ZNF207: variants seen among roughly 807,000 people sequenced by gnomAD.
ZNF207 encodes zinc finger protein 207, also known as BUB3-interacting and GLEBS motif-containing protein ZNF207.
ZNF207 carries 24 observed loss-of-function variants against 60.2 expected under a neutral mutation model. That is an observed-to-expected ratio of 0.40 (90% CI 0.29 to 0.56). The LOEUF (loss-of-function observed/expected upper bound fraction) is 0.56, where lower values mean the gene tolerates loss of function less well. Ranked by LOEUF, ZNF207 falls within the 20% of genes least tolerant of loss-of-function variation. ZNF207 has a pLI of 0.49. For missense variants in ZNF207, 452 were observed against 636.6 expected (o/e 0.71, Z 3.12); for synonymous variants, 236 against 194.7 (o/e 1.21, Z -1.77).
intron 1 of ZNF207, among the ~76,000 whole-genome samples, 200 bp downstream of exon 1, chr17:32,350,526 G>A (rs531609344): frequency 2.2e-4 from 34 of 152,222 alleles, no homozygotes; most frequent in Non-Finnish European, 4.9e-4. Flanking sequence ...GCAGTTGTGG[G>A]TCGTGTGACT....
intron 2 of ZNF207, among the ~76,000 whole-genome samples, chr17:32,354,590 A>T (rs1462641861): frequency 6.7e-6 from 1 of 149,896 alleles, no homozygotes; most frequent in Non-Finnish European, 1.5e-5. Context: ...GATTACAGGC[A>T]TAAGTCACTG....
intron 3 of ZNF207, among the ~76,000 whole-genome samples, 157 bp from the exon 4 acceptor site, chr17:32,360,441 A>G (rs1373927783): frequency 6.6e-6 from 1 of 152,192 alleles, no homozygotes; most frequent in East Asian, 1.9e-4. Flanking sequence ...ATAGGGCGAA[A>G]ACACATTTGA....
rs750080936 is a variant in ZNF207 at position 32,364,941 on chromosome 17, ATTG to A, written c.671-386_671-384del. Among the ~76,000 whole-genome samples, 56 of 152,346 alleles carry A rather than the reference ATTG, an allele frequency of 3.7e-4. 1 individual carries two copies. Among genetic ancestry groups the A allele is most frequent in the Middle Eastern group, 6.8e-3 (2 of 294 alleles). ...TGTGTTTAACTTTGGAAAAGTTTTT[ATTG>A]TTCATGATATTTGATTCATCAGTTT... is the stretch of plus-strand genomic sequence containing the variant. On this transcript the variant is annotated intron_variant, in intron 7 of 11. Coordinates refer to ENST00000394670, the MANE Select transcript of ZNF207 (RefSeq NM_001098507.2).
At chr17:32,350,354 T>C (rs1336987289) in intron 1 of ZNF207, 28 bp downstream of exon 1, 1 of 1,613,804 alleles carries the variant, frequency 6.2e-7, no homozygotes, top group South Asian at 1.1e-5. Flanking sequence ...GAAGTCGAGG[T>C]CGCGTTGGGG....
intron 5 of ZNF207, 66 bp from the exon 6 acceptor site, chr17:32,361,397 TATACA>T: frequency 7.6e-7 from 1 of 1,313,998 alleles, no homozygotes; most frequent in Non-Finnish European, 1.1e-6. Flanking sequence ...ATGTGAGAGG[TATACA>T]ATACACTTTC....
intron 2 of ZNF207, among the ~76,000 whole-genome samples, chr17:32,357,327 A>G (rs1283263141): frequency 1.2e-5 from 1 of 85,548 alleles, no homozygotes; most frequent in South Asian, 3.4e-4. Context: ...TATTATTATT[A>G]TTATTATTAT....
intron 2 of ZNF207, among the ~76,000 whole-genome samples, chr17:32,353,186 A>G (rs189033249): frequency 3.3e-5 from 5 of 152,244 alleles, no homozygotes; most frequent in Non-Finnish European, 7.4e-5. Context: ...TAATAATAAT[A>G]ATGACAATAA....
rs1905544048 is a variant in ZNF207 at position 32,373,207 on chromosome 17, T to C, written c.*3448T>C. On this transcript the variant is annotated 3_prime_UTR_variant, in exon 12 of 12. Coordinates refer to ENST00000394670, the MANE Select transcript of ZNF207 (RefSeq NM_001098507.2). ...ACTCACCTTAATTAAACTTAATTAA[T>C]TGGGGAGGGGGATTCCCCAACAAAA... 2.3e-6 allele frequency: 1 copy of C among 441,944 alleles called. No homozygotes were observed. Among genetic ancestry groups the C allele is most frequent in the South Asian group, 5.8e-5 (1 of 17,370 alleles). The allele number at this position is 441,944 out of a possible 1,614,324, so 27.4% of individuals were successfully genotyped here.
intron 2 of ZNF207, among the ~76,000 whole-genome samples, chr17:32,357,351 A>ATTATTTTT (rs1363194053): frequency 4.3e-4 from 32 of 73,994 alleles, no homozygotes; most frequent in African/African-American, 1.7e-3. Context: ...TATTATTATT[A>ATTATTTTT]TTTTTTTTTT....
rs1905813846 is a variant in ZNF207 at position 32,379,817 on chromosome 17, T to A, written c.*10058T>A. The stretch of plus-strand genomic sequence containing the variant: ...ACCACGTATACCAGTGAAAATTAGC[T>A]TCTGAGTAAATTTCTAATTTATGCC... On this transcript the variant is annotated 3_prime_UTR_variant, in exon 12 of 12. Transcript: ENST00000394670. The A allele has an allele frequency of 1.3e-5, 2 of 152,206 alleles. No homozygotes were observed. The highest frequency in any genetic ancestry group is 2.9e-5 in the Non-Finnish European group (2 of 68,030). The allele number at this position is 152,206 out of a possible 1,614,324, so 9.4% of individuals were successfully genotyped here.
In ZNF207 at chr17:32,381,672, T is replaced by C. The variant is rs1787576501; in HGVS notation, c.*11913T>C. 6.6e-6 allele frequency: 1 copy of C among 152,242 alleles called. No homozygotes were observed. Among genetic ancestry groups the C allele is most frequent in the South Asian group, 2.1e-4 (1 of 4,836 alleles). The allele number at this position is 152,242 out of a possible 1,614,324, so 9.4% of individuals were successfully genotyped here. On this transcript the variant is annotated 3_prime_UTR_variant, in exon 12 of 12. Transcript: ENST00000394670. Reference sequence around the variant, plus strand: ...TCTGGGGCTATTTACTTATTTTAAGTAAGCCAAGTCTACCATTTGAAAAAT... The same window carrying C: ...TCTGGGGCTATTTACTTATTTTAAGCAAGCCAAGTCTACCATTTGAAAAAT...
chr17:32,357,348 ATTATTT>A (rs1316894370), intron 2 of ZNF207, among the ~76,000 whole-genome samples: 48 of 77,656 alleles, frequency 6.2e-4, no homozygotes, highest in South Asian at 1.3e-3. Context: ...TATTATTATT[ATTATTT>A]TTTTTTTTTT....
rs1567824844 is a variant in ZNF207 at position 32,367,257 on chromosome 17, AT to A, written c.921+501del. On this transcript the variant is annotated intron_variant, in intron 9 of 11. Coordinates refer to ENST00000394670, the MANE Select transcript of ZNF207 (RefSeq NM_001098507.2). ...GAGGGGATTATATATATATATATAT[AT>A]ATATATATATATATATATATATATA... Among the ~76,000 whole-genome samples the A allele has an allele frequency of 2.0e-4, 19 of 95,864 alleles. 2 individuals are homozygous for A. The East Asian group carries it at 3.6e-3, about 18-fold the overall frequency. The allele number at this position is 95,864 out of a possible 152,430, so 62.9% of individuals were successfully genotyped here. A position where few individuals can be genotyped will look rare whatever the true frequency, so the allele number is the denominator to read the frequency against.
chr17:32,360,761 TC>T lies in ZNF207; in HGVS notation c.473del (p.Pro158GlnfsTer6). The T allele has an allele frequency of 6.2e-7, 1 of 1,613,956 alleles. No individual in the cohort carries two copies. The highest frequency in any genetic ancestry group is 8.5e-7 in the Non-Finnish European group (1 of 1,179,928). On this transcript the variant is annotated frameshift_variant, in exon 4 of 12. Coordinates refer to ENST00000394670, the MANE Select transcript of ZNF207 (RefSeq NM_001098507.2). LOFTEE classifies it high-confidence loss of function. ...PPVPGAPGMPPGIPPLMPGVP... is the reference protein window; with the variant it reads ...PPVPGAPGMPXGIPPLMPGVP... ...CAGTACCAGGAGCACCAGGAATGCC[TC>T]CAGGTAGCACATAGGATTGCTTAAA...
At chr17:32,350,484 GGAAAATGGGGTTCCGAGGTC>G in intron 1 of ZNF207, 158 bp downstream of exon 1, 1 of 884,508 alleles carries the variant, frequency 1.1e-6, no homozygotes, top group Non-Finnish European at 1.8e-6. Context: ...AAGGCTTCTA[GGAAAATGGGGTTCCGAGGTC>G]GACAGGCTTT....
chr17:32,361,007 A>ACAG, intron 5 of ZNF207, 40 bp downstream of exon 5: 1 of 1,591,142 alleles, frequency 6.3e-7, no homozygotes, highest in Non-Finnish European at 8.6e-7. Flanking sequence ...GCTTGTGCCT[A>ACAG]GTAATGATCT....
rs759895374 is a variant in ZNF207, at chr17:32,378,109, T to C, written c.*8350T>C. The C allele has an allele frequency of 2.0e-5, 3 of 152,484 alleles. No individual in the cohort carries two copies. Among genetic ancestry groups the C allele is most frequent in the East Asian group, 1.9e-4 (1 of 5,206 alleles). 9.4% of individuals were successfully genotyped at this position (152,484 alleles called of 1,614,324 possible). ...CTAATAATAGATCCATTGGACACTTTAAACACTCAGTACTTGGGCCAAAGT... is the reference window on the plus strand; with the variant it reads ...CTAATAATAGATCCATTGGACACTTCAAACACTCAGTACTTGGGCCAAAGT... On this transcript the variant is annotated 3_prime_UTR_variant, in exon 12 of 12. Transcript: ENST00000394670.
chr17:32,362,733 CAATT>C (rs1457813254), intron 6 of ZNF207, 177 bp from the exon 7 acceptor site: 9 of 456,862 alleles, frequency 2.0e-5, no homozygotes, highest in Admixed American at 1.6e-4. Context: ...GGGTTTTAGA[CAATT>C]TATTTTGATA....
rs2150807230 is a variant in ZNF207 at position 32,375,288 on chromosome 17, A to G, written c.*5529A>G. Reference sequence around the variant, plus strand: ...ATTGGACTATTTTATAACCTCAGTAATCAACATTTAAGAGTCCTTAATTGG... The same window carrying G: ...ATTGGACTATTTTATAACCTCAGTAGTCAACATTTAAGAGTCCTTAATTGG... On this transcript the variant is annotated 3_prime_UTR_variant, in exon 12 of 12. Transcript: ENST00000394670. 6.6e-6 allele frequency: 1 copy of G among 152,318 alleles called. No homozygotes were observed. Among genetic ancestry groups the G allele is most frequent in the Non-Finnish European group, 1.5e-5 (1 of 68,010 alleles). 9.4% of individuals were successfully genotyped at this position (152,318 alleles called of 1,614,324 possible). A position where few individuals can be genotyped will look rare whatever the true frequency, so the allele number is the denominator to read the frequency against.
Sources: allele counts gnomAD v4.1 joint callset (sites outside exome capture counted in the v4.1 genomes callset), GRCh38; gene constraint gnomAD v4.1.1; transcripts MANE v1.5; gene names NCBI Gene and HGNC (gene_info 2026-07-23, HGNC 2026-07-21).